Variants in FANCD2 observed in about 807,000 individuals in gnomAD.
FANCD2 encodes FA complementation group D2, also known as Fanconi anemia group D2 protein.
FANCD2 carries 131 observed loss-of-function variants against 192.3 expected under a neutral mutation model. The observed-to-expected ratio is 0.68, with a 90% CI of 0.59 to 0.79. FANCD2 has a LOEUF of 0.79. FANCD2 is among the 30% of genes least tolerant of loss of function. The pLI is 0.00. For missense variants in FANCD2, 1,508 were observed against 1,701.6 expected (o/e 0.89, Z 2.00); for synonymous variants, 524 against 612.5 (o/e 0.86, Z 2.13).
chr3:10,069,991 G>A (rs1373286615), intron 26 of FANCD2, among the ~76,000 whole-genome samples: 126 of 150,896 alleles, frequency 8.4e-4, no homozygotes, highest in African/African-American at 2.9e-3. Flanking sequence ...GTCTCTGCCC[G>A]GCCGCCATCC....
At chr3:10,069,771 G>A (rs1306922793) in intron 26 of FANCD2, among the ~76,000 whole-genome samples, 1 of 152,120 alleles carries the variant, frequency 6.6e-6, no homozygotes, top group Non-Finnish European at 1.5e-5. Flanking sequence ...GTGCTCAATG[G>A]TGCCCAGGCT....
chr3:10,064,001 ATCATCCTGTGACC>A (rs2125033114), intron 21 of FANCD2, 90 bp downstream of exon 21: 1 of 1,580,120 alleles, frequency 6.3e-7, no homozygotes, highest in East Asian at 2.2e-5. Context: ...GTGAAAATAG[ATCATCCTGTGACC>A]TCTCCTAAAT....
At chr3:10,046,138 C>T (rs1474750077) in intron 14 of FANCD2, among the ~76,000 whole-genome samples, 1 of 149,370 alleles carries the variant, frequency 6.7e-6, no homozygotes, top group Non-Finnish European at 1.5e-5. Flanking sequence ...ACTGTAAGCT[C>T]TGCCTCCCGG....
chr3:10,067,260 C>T lies in FANCD2; in HGVS notation c.2437C>T (p.Leu813Phe), dbSNP rs2087746744. The part of the protein sequence containing the change: ...ETSPEMKGKV[L>F]TRLKHIVELQ... ...ATCACCTGAGATGAAGGGGAAGGTG[C>T]TCACTCGGTTAAAGCACATTGTAGA... is the stretch of plus-strand genomic sequence containing the variant. The change falls in exon 26 of 44, where the codon CTC (leucine) becomes TTC (phenylalanine). Residue 813 changes from leucine to phenylalanine, a missense_variant. Coordinates refer to ENST00000675286, the MANE Select transcript of FANCD2 (RefSeq NM_001018115.3). The T allele has an allele frequency of 6.2e-7, 1 of 1,613,732 alleles. No individual in the cohort carries two copies. Among genetic ancestry groups the T allele is most frequent in the Admixed American group, 1.7e-5 (1 of 59,990 alleles).
chr3:10,057,015 C>T (rs1456990296), intron 18 of FANCD2, among the ~76,000 whole-genome samples: 1 of 152,088 alleles, frequency 6.6e-6, no homozygotes, highest in Non-Finnish European at 1.5e-5. Flanking sequence ...CCACCATGCC[C>T]AGCTAATTTT....
chr3:10,033,380 G>A (rs1025534493), intron 3 of FANCD2, among the ~76,000 whole-genome samples: 2 of 151,996 alleles, frequency 1.3e-5, no homozygotes, highest in African/African-American at 4.8e-5. Flanking sequence ...CAGCCTGGGC[G>A]ACAAGAGTGA....
intron 9 of FANCD2, chr3:10,040,071 G>A: frequency 2.0e-6 from 1 of 500,354 alleles, no homozygotes; most frequent in Non-Finnish European, 3.4e-6. Flanking sequence ...GTCTTGCTCT[G>A]TCGCCCAGGC....
intron 18 of FANCD2, among the ~76,000 whole-genome samples, chr3:10,052,917 TA>T (rs1374270782): frequency 0.028 from 3,692 of 131,100 alleles, 178 homozygotes; most frequent in African/African-American, 0.1. Flanking sequence ...GGAACACTTT[TA>T]CACTGTTGGT....
In FANCD2 at chr3:10,054,468, TATA is replaced by T. The variant is rs1274241258; in HGVS notation, c.1656+1972_1656+1974del. 4.2e-3 allele frequency among the ~76,000 whole-genome samples: 128 copies of T among 30,544 alleles called. 2 individuals carry two copies. Among genetic ancestry groups the T allele is most frequent in the East Asian group, 0.01 (11 of 1,088 alleles). The allele number at this position is 30,544 out of a possible 152,430, so 20.0% of individuals were successfully genotyped here. A position where few individuals can be genotyped will look rare whatever the true frequency, so the allele number is the denominator to read the frequency against. On this transcript the variant is annotated intron_variant, in intron 18 of 43. Coordinates refer to ENST00000675286, the MANE Select transcript of FANCD2 (RefSeq NM_001018115.3). ...ATACATATATATATATATATATATA[TATA>T]TATTTTTTTTTTTTTTTTTTTTTTT... is the stretch of plus-strand genomic sequence containing the variant.
At position 10,079,249 on chromosome 3, in the gene FANCD2, T is replaced by C. The variant is rs370270635; in HGVS notation, c.2976+1052T>C. On this transcript the variant is annotated intron_variant, in intron 30 of 43. Transcript: ENST00000675286. Reference sequence around the variant, plus strand: ...TTAGAACAAGACTCTGTCTCAGAAATAAAAAAAAAAAAATAGGAAGTCTGA... The same window carrying C: ...TTAGAACAAGACTCTGTCTCAGAAACAAAAAAAAAAAAATAGGAAGTCTGA... Among the ~76,000 whole-genome samples, 748 of 136,876 alleles carry C rather than the reference T, an allele frequency of 5.5e-3. 3 individuals are homozygous for C. The highest frequency in any genetic ancestry group is 0.019 in the African/African-American group (707 of 37,568). 89.8% of individuals were successfully genotyped at this position (136,876 alleles called of 152,430 possible).
At chr3:10,082,101 C>T (rs1693876587) in intron 32 of FANCD2, among the ~76,000 whole-genome samples, 1 of 152,244 alleles carries the variant, frequency 6.6e-6, no homozygotes, top group East Asian at 1.9e-4. Context: ...TGACACCTCA[C>T]ACTCCACATC....
chr3:10,057,445 A>G (rs777070767), intron 18 of FANCD2, among the ~76,000 whole-genome samples: 7 of 151,142 alleles, frequency 4.6e-5, no homozygotes, highest in Non-Finnish European at 1.0e-4. Context: ...GCTCACTCCA[A>G]CCTCCGCCTC....
intron 18 of FANCD2, 121 bp from the exon 19 acceptor site, chr3:10,060,173 A>C (rs981311953): frequency 6.1e-5 from 44 of 717,780 alleles, no homozygotes; most frequent in Admixed American, 1.9e-4. Flanking sequence ...GTCTCAAAAA[A>C]AAAAAAAAAC....
At chr3:10,099,052 G>T in intron 43 of FANCD2, 1 of 1,592,190 alleles carries the variant, frequency 6.3e-7, no homozygotes, top group Non-Finnish European at 8.5e-7. Context: ...TTATAGAGTT[G>T]ACAATTTTCT....
intron 20 of FANCD2, among the ~76,000 whole-genome samples, chr3:10,062,803 A>C (rs2087607623): frequency 6.6e-6 from 1 of 152,020 alleles, no homozygotes; most frequent in South Asian, 2.1e-4. Flanking sequence ...CTCCTGCCTC[A>C]GCCTCCCAAG....
intron 18 of FANCD2, among the ~76,000 whole-genome samples, chr3:10,053,510 TA>T (rs1407907595): frequency 2.0e-5 from 3 of 150,648 alleles, no homozygotes; most frequent in Admixed American, 1.3e-4. Context: ...ACATGTACCC[TA>T]AAACTTACAG....
At chr3:10,088,325 C>G (rs1471065962) in intron 34 of FANCD2, 124 bp from the exon 35 acceptor site, 2 of 748,974 alleles carry the variant, frequency 2.7e-6, no homozygotes, top group South Asian at 1.4e-5. Context: ...CCTGTTAGAC[C>G]GGGAACGTCT....
intron 29 of FANCD2, among the ~76,000 whole-genome samples, chr3:10,077,391 C>T (rs890605398): frequency 1.3e-5 from 2 of 151,978 alleles, no homozygotes; most frequent in African/African-American, 4.8e-5. Context: ...CCCATTTCTA[C>T]TAAAAATACA....
intron 15 of FANCD2, among the ~76,000 whole-genome samples, chr3:10,046,944 T>TAGGA (rs1430332276): frequency 6.6e-6 from 1 of 152,298 alleles, no homozygotes; most frequent in African/African-American, 2.4e-5. Flanking sequence ...TTGAGGGGAA[T>TAGGA]AGGACCAGCC....
Sources: allele counts gnomAD v4.1 joint callset (sites outside exome capture counted in the v4.1 genomes callset), GRCh38; gene constraint gnomAD v4.1.1; transcripts MANE v1.5; gene names NCBI Gene and HGNC (gene_info 2026-07-23, HGNC 2026-07-21).